The following LHFPL2 variants were observed in gnomAD, a reference collection of about 807,000 sequenced individuals.
The protein encoded by LHFPL2 is LHFPL tetraspan subfamily member 2, also known as LHFPL tetraspan subfamily member 2 protein.
LHFPL2 carries 7 observed loss-of-function variants against 17.5 expected under a neutral mutation model. That is an observed-to-expected ratio of 0.40 (90% CI 0.23 to 0.75). The LOEUF is 0.75. LHFPL2 is among the 30% of genes least tolerant of loss of function. LHFPL2 has a pLI of 0.37. For missense variants in LHFPL2, 241 were observed against 294.8 expected (o/e 0.82, Z 1.34); for synonymous variants, 134 against 116.2 (o/e 1.15, Z -0.99).
chr5:78,551,418 T>C (rs1297212719), intron 3 of LHFPL2, among the ~76,000 whole-genome samples: 1 of 152,160 alleles, frequency 6.6e-6, no homozygotes, highest in Admixed American at 6.5e-5. Flanking sequence ...GAGTTGGTAA[T>C]TGGGCCTACT....
chr5:78,522,402 G>A (rs1349843727), intron 3 of LHFPL2, among the ~76,000 whole-genome samples: 5 of 152,094 alleles, frequency 3.3e-5, no homozygotes, highest in Admixed American at 6.5e-5. Context: ...CACGCATTGC[G>A]CTTCAGCCTG....
chr5:78,601,392 T>G (rs1241947510), intron 2 of LHFPL2, among the ~76,000 whole-genome samples: 2 of 152,200 alleles, frequency 1.3e-5, no homozygotes, highest in African/African-American at 4.8e-5. Context: ...CATGGCCCAC[T>G]CACTGAATTC....
chr5:78,625,204 CGT>C (rs937627253), intron 2 of LHFPL2: 7 of 120,776 alleles, frequency 5.8e-5, no homozygotes, highest in African/African-American at 3.2e-4. Flanking sequence ...GCATTCTATA[CGT>C]ACACACACAC....
intron 2 of LHFPL2, among the ~76,000 whole-genome samples, chr5:78,578,838 T>A (rs935097315): frequency 6.6e-6 from 1 of 152,230 alleles, no homozygotes; most frequent in African/African-American, 2.4e-5. Flanking sequence ...AGAATGTTTG[T>A]TCCCAGCTAC....
At chr5:78,610,440 A>C (rs544329096) in intron 2 of LHFPL2, among the ~76,000 whole-genome samples, 1 of 152,304 alleles carries the variant, frequency 6.6e-6, no homozygotes, top group South Asian at 2.1e-4. Context: ...GACTCGGTCC[A>C]TGGAGATGAG....
chr5:78,621,765 T>C (rs1417784889), intron 2 of LHFPL2, among the ~76,000 whole-genome samples: 2 of 152,332 alleles, frequency 1.3e-5, no homozygotes, highest in East Asian at 3.9e-4. Context: ...CAAACTGCAG[T>C]GCAGAACTGT....
intron 2 of LHFPL2, among the ~76,000 whole-genome samples, chr5:78,629,108 C>T (rs919759075): frequency 1.4e-4 from 22 of 152,026 alleles, no homozygotes; most frequent in African/African-American, 5.3e-4. Context: ...CAGTCTTTTG[C>T]CTATTTGGAA....
intron 1 of LHFPL2, among the ~76,000 whole-genome samples, chr5:78,636,020 G>A (rs62378432): frequency 0.31 from 46,044 of 150,306 alleles, 7,226 homozygotes; most frequent in Middle Eastern, 0.37. Context: ...ACACACACAC[G>A]CGCACACAAA....
At chr5:78,539,280 C>A (rs761992968) in intron 3 of LHFPL2, among the ~76,000 whole-genome samples, 11 of 152,158 alleles carry the variant, frequency 7.2e-5, no homozygotes, top group Non-Finnish European at 1.6e-4. Context: ...TCTTGGACCT[C>A]CCAGACTCCA....
chr5:78,488,654 G>T lies in LHFPL2; in HGVS notation c.*243C>A. On this transcript the variant is annotated 3_prime_UTR_variant, in exon 5 of 5. Coordinates refer to ENST00000380345, the MANE Select transcript of LHFPL2 (RefSeq NM_005779.3). ...GGGAGATGGAGTCTGACAGAACTTG[G>T]CAACTCCAGGTCTAGGATTATATAC... is the stretch of plus-strand genomic sequence containing the variant. 1 of 498,750 alleles carries T rather than the reference G, an allele frequency of 2.0e-6. No individual in the cohort carries two copies. Among genetic ancestry groups the T allele is most frequent in the Admixed American group, 3.3e-5 (1 of 30,752 alleles). The allele number at this position is 498,750 out of a possible 1,614,324, so 30.9% of individuals were successfully genotyped here.
At position 78,566,756 on chromosome 5, in the gene LHFPL2, C is replaced by T. The variant is rs550845454; in HGVS notation, c.-244-1885G>A. On this transcript the variant is annotated intron_variant, in intron 2 of 4. Coordinates refer to ENST00000380345, the MANE Select transcript of LHFPL2 (RefSeq NM_005779.3). The stretch of plus-strand genomic sequence containing the variant: ...TACAGGCGTGAGCCACTGCGCCCGG[C>T]GAAACGATGACTTTTTAAAAATGGT... Among the ~76,000 whole-genome samples, 9 of 152,312 alleles carry T rather than the reference C, an allele frequency of 5.9e-5. No individual in the cohort carries two copies. The South Asian group carries it at 1.9e-3, about 32-fold the overall frequency.
At chr5:78,516,633 G>A (rs1216748945) in intron 3 of LHFPL2, among the ~76,000 whole-genome samples, 2 of 152,132 alleles carry the variant, frequency 1.3e-5, no homozygotes, top group Non-Finnish European at 2.9e-5. Flanking sequence ...TTTTTAAAAG[G>A]TCTATTCTGA....
chr5:78,544,776 C>T (rs1325595414), intron 3 of LHFPL2, among the ~76,000 whole-genome samples: 1 of 148,310 alleles, frequency 6.7e-6, no homozygotes. Context: ...CACACGTATA[C>T]ACACACACAC....
At chr5:78,545,616 G>A (rs141700503) in intron 3 of LHFPL2, among the ~76,000 whole-genome samples, 2 of 152,294 alleles carry the variant, frequency 1.3e-5, no homozygotes, top group Admixed American at 6.5e-5. Context: ...GGTGTGATGC[G>A]TGGAGGCCGA....
intron 2 of LHFPL2, among the ~76,000 whole-genome samples, chr5:78,591,257 T>C (rs892725583): frequency 1.3e-5 from 2 of 152,192 alleles, no homozygotes; most frequent in Admixed American, 1.3e-4. Flanking sequence ...TTTGTTCCCA[T>C]GACCAAACAA....
chr5:78,600,214 A>G (rs1287037751), intron 2 of LHFPL2, among the ~76,000 whole-genome samples: 1 of 151,896 alleles, frequency 6.6e-6, no homozygotes, highest in Non-Finnish European at 1.5e-5. Context: ...ATTTACAAAT[A>G]TATTGTTGTC....
intron 2 of LHFPL2, among the ~76,000 whole-genome samples, chr5:78,589,735 C>T (rs1486366001): frequency 6.6e-6 from 1 of 152,218 alleles, no homozygotes; most frequent in Non-Finnish European, 1.5e-5. Context: ...CCTCCTCCAG[C>T]AGACCATGGG....
chr5:78,629,438 T>C (rs1222119116), intron 2 of LHFPL2, among the ~76,000 whole-genome samples: 1 of 152,240 alleles, frequency 6.6e-6, no homozygotes, highest in Non-Finnish European at 1.5e-5. Flanking sequence ...AAATTATGCA[T>C]TGATTGTGCT....
intron 3 of LHFPL2, among the ~76,000 whole-genome samples, chr5:78,545,009 ACT>A (rs1044903964): frequency 1.3e-5 from 2 of 151,478 alleles, no homozygotes; most frequent in African/African-American, 2.4e-5. Flanking sequence ...ACTCACTCCC[ACT>A]CTCTCTCATT....
Sources: allele counts gnomAD v4.1 joint callset (sites outside exome capture counted in the v4.1 genomes callset), GRCh38; gene constraint gnomAD v4.1.1; transcripts MANE v1.5; gene names NCBI Gene and HGNC (gene_info 2026-07-23, HGNC 2026-07-21).